IDI1: variants seen among roughly 807,000 people sequenced by gnomAD.
IDI1 encodes the protein isopentenyl-diphosphate Delta-isomerase 1.
Under a neutral mutation model 32.9 loss-of-function variants are expected in IDI1, and 23 were observed. The observed-to-expected ratio is 0.70, with a 90% CI of 0.50 to 0.99. The LOEUF is 0.99. Ranked by LOEUF, IDI1 falls within the 50% of genes least tolerant of loss-of-function variation. The pLI, the probability that IDI1 is intolerant of heterozygous loss-of-function variation, is 0.00. For missense variants in IDI1, 326 were observed against 351.9 expected (o/e 0.93, Z 0.59); for synonymous variants, 133 against 128.2 (o/e 1.04, Z -0.25).
At chr10:1,049,138 T>C, upstream of IDI1, 1 of 1,376,250 alleles carries the variant, frequency 7.3e-7, no homozygotes, top group Non-Finnish European at 9.4e-7. Context: ...CCGCGGGCTC[T>C]GGCGCCTTTA....
chr10:1,043,197 C>A, intron 3 of IDI1, 104 bp downstream of exon 3: 1 of 699,810 alleles, frequency 1.4e-6, no homozygotes. Context: ...TAAAATTATG[C>A]CATTCACAGG....
chr10:1,052,494 G>A (rs1406885651), upstream of IDI1, among the ~76,000 whole-genome samples: 2 of 152,208 alleles, frequency 1.3e-5, no homozygotes, highest in Non-Finnish European at 2.9e-5. Context: ...TGTTGTGTTA[G>A]CAGGCATGAA....
chr10:1,039,362 G>C (rs185939452), downstream of IDI1: 1 of 152,502 alleles, frequency 6.6e-6, no homozygotes, highest in East Asian at 1.9e-4. Context: ...TAGGGAAACA[G>C]AATCAGCAAT....
the IDI1 span, among the ~76,000 whole-genome samples, chr10:1,056,221 T>C: frequency 6.6e-6 from 1 of 152,228 alleles, no homozygotes; most frequent in Non-Finnish European, 1.5e-5. Context: ...TAGCGCTTTC[T>C]GTAGAGCGTT....
At chr10:1,055,966 G>C in the IDI1 span, among the ~76,000 whole-genome samples, 1 of 152,080 alleles carries the variant, frequency 6.6e-6, no homozygotes, top group Non-Finnish European at 1.5e-5. Context: ...GCGCCGCCAC[G>C]CCCGGCTAGT....
At position 1,041,473 on chromosome 10, in the gene IDI1, C is replaced by A; in HGVS notation, c.569G>T (p.Arg190Leu). ...VPPEEINYLT[R>L]IHYKAQSDGI... is the part of the protein sequence containing the mutation. ...ATCAGACTGAGCTTTGTAGTGAATT[C>A]GTGTTAAATAATTAATTTCTTCTGG... The change falls in exon 5 of 5, where the codon CGA (arginine) becomes CTA (leucine). Residue 190 changes from arginine (R) to leucine (L), a missense_variant. Around this residue, in one of 2 missense-constraint regions of IDI1, gnomAD observed 205 missense variants for 273.5 expected, o/e 0.75. Transcript: ENST00000381344. The A allele has an allele frequency of 5.1e-6, 8 of 1,573,458 alleles. No homozygotes were observed. The highest frequency in any genetic ancestry group is 6.9e-6 in the Non-Finnish European group (8 of 1,155,506).
rs987950090 is a variant in IDI1, at chr10:1,040,368, A to G, written c.*819T>C. The G allele has an allele frequency of 2.6e-5, 4 of 152,264 alleles. No individual in the cohort carries two copies. The highest frequency in any genetic ancestry group is 7.2e-5 in the African/African-American group (3 of 41,452). 9.4% of individuals were successfully genotyped at this position (152,264 alleles called of 1,614,324 possible). On this transcript the variant is annotated 3_prime_UTR_variant, in exon 5 of 5. Coordinates refer to ENST00000381344, the MANE Select transcript of IDI1 (RefSeq NM_004508.4). ...GAGGGACGCTGCTCACCATCCTGCA[A>G]TGCACAGCACAGACCCCACCACAGG...
chr10:1,050,329 G>GA (rs1203102232), upstream of IDI1, among the ~76,000 whole-genome samples: 1 of 152,312 alleles, frequency 6.6e-6, no homozygotes, highest in Admixed American at 6.5e-5. Flanking sequence ...ACACAGATAA[G>GA]AAAATCTGGC....
upstream of IDI1, among the ~76,000 whole-genome samples, chr10:1,051,673 T>G (rs565001612): frequency 2.4e-4 from 36 of 152,352 alleles, 2 homozygotes; most frequent in African/African-American, 7.7e-4. Context: ...AAGTTAATAT[T>G]TTTTACTGCT....
upstream of IDI1, among the ~76,000 whole-genome samples, chr10:1,051,154 T>C (rs1023948602): frequency 5.3e-5 from 8 of 152,204 alleles, no homozygotes; most frequent in Non-Finnish European, 4.4e-5. Context: ...AAATACTGAT[T>C]TACTGAATTA....
chr10:1,052,792 TC>T (rs2131590853), upstream of IDI1, among the ~76,000 whole-genome samples: 1 of 152,304 alleles, frequency 6.6e-6, no homozygotes, highest in African/African-American at 2.4e-5. Context: ...CATAAAGTCA[TC>T]AGCTGCACTA....
intron 1 of IDI1, 93 bp downstream of exon 1, chr10:1,048,771 G>C (rs1016069379): frequency 3.9e-6 from 6 of 1,525,840 alleles, no homozygotes; most frequent in Non-Finnish European, 5.3e-6. Context: ...CTCACGGGTG[G>C]CTCAGACCTC....
rs901204619 is a variant in IDI1 at position 1,049,089 on chromosome 10, A to T, written c.-86T>A. On this transcript the variant is annotated 5_prime_UTR_variant, in exon 1 of 5. Coordinates refer to ENST00000381344, the MANE Select transcript of IDI1 (RefSeq NM_004508.4). Reference sequence around the variant, plus strand: ...TGGTGCCACCTCCCTGGCCTGTGACAACGGCAGACGCGCGAAGCACCGGGA... The same window carrying T: ...TGGTGCCACCTCCCTGGCCTGTGACTACGGCAGACGCGCGAAGCACCGGGA... The T allele has an allele frequency of 7.1e-7, 1 of 1,412,736 alleles. No individual in the cohort carries two copies. Among genetic ancestry groups the T allele is most frequent in the South Asian group, 1.5e-5 (1 of 66,462 alleles). The allele number at this position is 1,412,736 out of a possible 1,614,324, so 87.5% of individuals were successfully genotyped here. A position where few individuals can be genotyped will look rare whatever the true frequency, so the allele number is the denominator to read the frequency against.
rs1832535531 is a variant in IDI1, at chr10:1,040,597, T to C, written c.*590A>G. 6.6e-6 allele frequency: 1 copy of C among 152,328 alleles called. No individual in the cohort carries two copies. Among genetic ancestry groups the C allele is most frequent in the Admixed American group, 6.5e-5 (1 of 15,302 alleles). 9.4% of individuals were successfully genotyped at this position (152,328 alleles called of 1,614,324 possible). ...CAGTGGCTGACTGTAAGTATCAACA[T>C]GTTTCCAGAATGAATAAACCACACA... is the stretch of plus-strand genomic sequence containing the variant. On this transcript the variant is annotated 3_prime_UTR_variant, in exon 5 of 5. Transcript: ENST00000381344.
intron 1 of IDI1, chr10:1,048,242 T>C: frequency 1.5e-6 from 2 of 1,303,176 alleles, no homozygotes; most frequent in South Asian, 2.5e-5. Context: ...TGAATACGTC[T>C]ATTTATGCGT....
chr10:1,048,869 C>T lies in IDI1; in HGVS notation c.135G>A (p.Leu45=), dbSNP rs778355423. 4.4e-6 allele frequency: 7 copies of T among 1,606,424 alleles called. No individual in the cohort carries two copies. The highest frequency in any genetic ancestry group is 2.2e-5 in the South Asian group (2 of 90,766). The change falls in exon 1 of 5, where the codon CTG becomes CTA. Residue 45 remains leucine, a synonymous_variant. Coordinates refer to ENST00000381344, the MANE Select transcript of IDI1 (RefSeq NM_004508.4). ...PGPAVVCGRR[L]ISVLEQIRHF... is the part of the protein sequence containing the mutation. ...CCGCCGCCCGTCCACAGTACCTGAT[C>T]AGCCTCCGGCCACAGACAACCGCCG... is the stretch of plus-strand genomic sequence containing the variant.
upstream of IDI1, among the ~76,000 whole-genome samples, chr10:1,051,672 T>C (rs1246363489): frequency 6.6e-6 from 1 of 152,244 alleles, no homozygotes; most frequent in Non-Finnish European, 1.5e-5. Flanking sequence ...AAAGTTAATA[T>C]TTTTTACTGC....
Position 1,039,843 on chromosome 10 carries a change from G to C in IDI1, c.*1344C>G, listed in dbSNP as rs946153115. 2 of 152,136 alleles carry C rather than the reference G, an allele frequency of 1.3e-5. 1 individual carries two copies. Among genetic ancestry groups the C allele is most frequent in the South Asian group, 4.1e-4 (2 of 4,830 alleles). 9.4% of individuals were successfully genotyped at this position (152,136 alleles called of 1,614,324 possible). On this transcript the variant is annotated 3_prime_UTR_variant, in exon 5 of 5. Coordinates refer to ENST00000381344, the MANE Select transcript of IDI1 (RefSeq NM_004508.4). ...AAAAATTAGAAACAATATTATAAAT[G>C]CAACGGAAACTATACAGGCAATATC... is the stretch of plus-strand genomic sequence containing the variant.
At chr10:1,050,680 C>T (rs143619512), upstream of IDI1, among the ~76,000 whole-genome samples, 137 of 152,300 alleles carry the variant, frequency 9.0e-4, 2 homozygotes, top group Non-Finnish European at 1.8e-3. Context: ...CTGGACAGGA[C>T]GCCATTCCAT....
Sources: allele counts gnomAD v4.1 joint callset (sites outside exome capture counted in the v4.1 genomes callset), GRCh38; gene constraint gnomAD v4.1.1; regional missense constraint gnomAD v4.1.1; transcripts MANE v1.5; gene names NCBI Gene and HGNC (gene_info 2026-07-23, HGNC 2026-07-21).